PDE1A: variants seen among roughly 807,000 people sequenced by gnomAD.
PDE1A encodes the protein dual specificity calcium/calmodulin-dependent 3',5'-cyclic nucleotide phosphodiesterase 1A.
PDE1A carries 35 observed loss-of-function variants against 61.7 expected under a neutral mutation model. That is an observed-to-expected ratio of 0.57 (90% CI 0.43 to 0.75). The LOEUF (loss-of-function observed/expected upper bound fraction) is 0.75. Among genes scored for constraint, PDE1A ranks in the 30% least tolerant of loss-of-function variants. The pLI is 0.00. For synonymous variants in PDE1A, 232 were observed against 213.2 expected (o/e 1.09, Z -0.77); for missense variants, 597 against 630.6 (o/e 0.95, Z 0.57).
chr2:182,213,112 G>A (rs1304133164), intron 7 of PDE1A, among the ~76,000 whole-genome samples: 3 of 150,742 alleles, frequency 2.0e-5, no homozygotes, highest in Non-Finnish European at 4.4e-5. Context: ...CCTGACCCCT[G>A]ACCCCCGAGC....
the PDE1A span, among the ~76,000 whole-genome samples, chr2:182,650,610 A>G: frequency 6.6e-6 from 1 of 152,236 alleles, no homozygotes; most frequent in African/African-American, 2.4e-5. Flanking sequence ...TACAATAATG[A>G]TAAAAATGAC....
chr2:182,273,391 T>C (rs1406783383), intron 1 of PDE1A, among the ~76,000 whole-genome samples: 3 of 151,852 alleles, frequency 2.0e-5, no homozygotes, highest in African/African-American at 4.8e-5. Flanking sequence ...CCAAAGTTGA[T>C]AGTGATGTTG....
At chr2:182,219,784 C>G (rs1173273159) in intron 7 of PDE1A, among the ~76,000 whole-genome samples, 1 of 152,038 alleles carries the variant, frequency 6.6e-6, no homozygotes, top group Admixed American at 6.6e-5. Context: ...AAAGTTCCCA[C>G]TAAAACAACA....
chr2:182,680,826 G>A, the PDE1A span, among the ~76,000 whole-genome samples: 2 of 152,212 alleles, frequency 1.3e-5, no homozygotes, highest in African/African-American at 4.8e-5. Context: ...CTCCATGACT[G>A]CTCCTGCAGG....
chr2:182,267,354 G>C (rs927591728), intron 1 of PDE1A, among the ~76,000 whole-genome samples: 4 of 151,618 alleles, frequency 2.6e-5, no homozygotes, highest in African/African-American at 9.7e-5. Context: ...CTTCAGTAAG[G>C]TTTTACCACC....
intron 1 of PDE1A, among the ~76,000 whole-genome samples, chr2:182,362,175 A>G (rs1699550830): frequency 6.6e-6 from 1 of 152,056 alleles, no homozygotes; most frequent in African/African-American, 2.4e-5. Context: ...ATTAGCAAGA[A>G]GAACATGTAT....
chr2:182,650,368 G>A, the PDE1A span, among the ~76,000 whole-genome samples: 2 of 152,188 alleles, frequency 1.3e-5, no homozygotes, highest in Non-Finnish European at 2.9e-5. Context: ...CCAGAGCAGA[G>A]AGCACAGATA....
chr2:182,536,993 G>A, the PDE1A span, among the ~76,000 whole-genome samples: 8,134 of 152,228 alleles, frequency 0.053, 267 homozygotes, highest in Middle Eastern at 0.099. Context: ...GTAAGTGAAG[G>A]CTAAGAGATG....
At chr2:182,262,204 TTCCTTCTTTCTTTCTTTTTCTTTCTC>T in intron 2 of PDE1A, among the ~76,000 whole-genome samples, 1 of 134,018 alleles carries the variant, frequency 7.5e-6, no homozygotes. Context: ...TTTTTTCTCT[TTCCTTCTTTCTTTCTTTTTCTTTCTC>T]TCTTTCTTTC....
chr2:182,546,691 G>T, the PDE1A span, among the ~76,000 whole-genome samples: 2 of 152,116 alleles, frequency 1.3e-5, no homozygotes, highest in African/African-American at 2.4e-5. Flanking sequence ...TTCCTCAAAG[G>T]GCAGATCCTT....
chr2:182,210,351 C>T (rs1038869158), intron 7 of PDE1A, among the ~76,000 whole-genome samples: 3 of 152,020 alleles, frequency 2.0e-5, no homozygotes, highest in African/African-American at 7.2e-5. Flanking sequence ...ATGTGTATTG[C>T]CTATTGATCT....
chr2:182,621,378 A>G, the PDE1A span, among the ~76,000 whole-genome samples: 1 of 152,144 alleles, frequency 6.6e-6, no homozygotes, highest in Non-Finnish European at 1.5e-5. Context: ...TTTTGCTTCA[A>G]AGAGCACCTA....
intron 13 of PDE1A, among the ~76,000 whole-genome samples, chr2:182,178,470 C>T (rs1450106564): frequency 3.3e-5 from 5 of 152,124 alleles, no homozygotes; most frequent in African/African-American, 1.2e-4. Flanking sequence ...ATTCAAGAGA[C>T]TTAGACAGTT....
At chr2:182,228,278 C>T (rs2125630975) in intron 6 of PDE1A, among the ~76,000 whole-genome samples, 1 of 152,232 alleles carries the variant, frequency 6.6e-6, no homozygotes, top group East Asian at 1.9e-4. Context: ...CATTAACAAA[C>T]AGAAGGACAA....
intron 1 of PDE1A, among the ~76,000 whole-genome samples, chr2:182,289,775 T>C (rs1235512320): frequency 6.6e-6 from 1 of 152,124 alleles, no homozygotes; most frequent in Non-Finnish European, 1.5e-5. Context: ...TTTGATTCTA[T>C]TATTACTCCT....
At chr2:182,364,490 A>AAAAAAAAAAAAAAAAAC (rs1559379251) in intron 1 of PDE1A, among the ~76,000 whole-genome samples, 1 of 144,082 alleles carries the variant, frequency 6.9e-6, no homozygotes, top group East Asian at 2.3e-4. Context: ...AAAAAAAAAA[A>AAAAAAAAAAAAAAAAAC]AAAAAAAAAC....
intron 1 of PDE1A, among the ~76,000 whole-genome samples, chr2:182,393,391 T>G (rs1701529753): frequency 6.6e-6 from 1 of 152,092 alleles, no homozygotes; most frequent in Non-Finnish European, 1.5e-5. Context: ...CCTTTTTTTT[T>G]TTTTCCTACT....
chr2:182,700,725 A>AAAAAAAAAAAAAAAC, the PDE1A span, among the ~76,000 whole-genome samples: 51 of 140,966 alleles, frequency 3.6e-4, 2 homozygotes, highest in Non-Finnish European at 6.8e-4. Context: ...CCATCTCAAA[A>AAAAAAAAAAAAAAAC]AAAAAAAAAA....
chr2:182,444,233 T>C (rs1574669959), intron 2 of PDE1A, among the ~76,000 whole-genome samples: 1 of 152,278 alleles, frequency 6.6e-6, no homozygotes, highest in East Asian at 1.9e-4. Context: ...CTTCAAATTC[T>C]TCCCCCAGCC....
Sources: gnomAD v4.1 joint callset for allele counts (sites outside exome capture counted in the v4.1 genomes callset) on GRCh38, gnomAD v4.1.1 for gene constraint, MANE v1.5 for transcripts, NCBI Gene and HGNC (gene_info 2026-07-23, HGNC 2026-07-21) for gene names.